The following NCR3LG1 variants were observed in gnomAD, a reference collection of about 807,000 sequenced individuals.
The protein encoded by NCR3LG1 is natural cytotoxicity triggering receptor 3 ligand 1.
Under a neutral mutation model 34.8 loss-of-function variants are expected in NCR3LG1, and 35 were observed. The ratio of observed to expected loss-of-function variants is 1.01; its 90% CI spans 0.77 to 1.33. The LOEUF (loss-of-function observed/expected upper bound fraction) is 1.33. Ranked by LOEUF, NCR3LG1 falls within the 40% of genes most tolerant of loss-of-function variation. The probability of loss-of-function intolerance (pLI) is 0.00; values close to 1 mark genes in which losing one functional copy is unlikely to be tolerated. For synonymous variants in NCR3LG1, 173 were observed against 163.6 expected, an observed-to-expected ratio of 1.06 and a Z score of -0.44; for missense variants, 452 against 423.3, an observed-to-expected ratio of 1.07 and a Z score of -0.60.
Position 17,356,748 on chromosome 11 carries a change from C to T in NCR3LG1, c.168C>T (p.Leu56=), listed in dbSNP as rs1227343786. 3 of 1,536,414 alleles carry T rather than the reference C, an allele frequency of 2.0e-6. No homozygotes were observed. The highest frequency in any genetic ancestry group is 2.6e-6 in the Non-Finnish European group (3 of 1,146,958). ...IFCNIFYSQP[L]NITSMGITWF... is the part of the protein sequence containing the mutation. ...GCAATATCTTTTATTCCCAACCCCT[C>T]AACATCACGTCTATGGGTATCACCT... Residue 56 remains leucine (L), a synonymous_variant, in exon 2 of 5, where the codon CTC becomes CTT. Transcript: ENST00000338965.
downstream of NCR3LG1, among the ~76,000 whole-genome samples, chr11:17,377,526 G>A (rs1450211914): frequency 2.0e-5 from 3 of 152,038 alleles, no homozygotes; most frequent in East Asian, 5.8e-4. Flanking sequence ...TTTATCAGGT[G>A]GACCTTTCTC....
Position 17,372,031 on chromosome 11 carries a change from AT to A in NCR3LG1, c.885del (p.Tyr295Ter). The A allele has an allele frequency of 1.4e-6, 1 of 702,230 alleles. No individual in the cohort carries two copies. Among genetic ancestry groups the A allele is most frequent in the East Asian group, 2.7e-5 (1 of 37,284 alleles). 43.5% of individuals were successfully genotyped at this position (702,230 alleles called of 1,614,324 possible). A position where few individuals can be genotyped will look rare whatever the true frequency, so the allele number is the denominator to read the frequency against. ...ATATGTAACAAATCATCTTCAGCCT[AT>A]ACTCCTCTCAAGTGCATTCTGAAAC... ...KKICNKSSSA[Y>X]TPLKCILKHW... is the part of the protein sequence containing the mutation. On this transcript the variant is annotated frameshift_variant, in exon 5 of 5. Coordinates refer to ENST00000338965, the MANE Select transcript of NCR3LG1 (RefSeq NM_001202439.3). LOFTEE classifies it high-confidence loss of function.
intron 2 of NCR3LG1, among the ~76,000 whole-genome samples, chr11:17,361,807 T>G (rs1448331607): frequency 6.6e-6 from 1 of 152,100 alleles, no homozygotes; most frequent in Non-Finnish European, 1.5e-5. Context: ...ATTTCTTCCA[T>G]TATTTTATTT....
At chr11:17,370,370 A>C (rs1279530027) in intron 4 of NCR3LG1, among the ~76,000 whole-genome samples, 1 of 152,178 alleles carries the variant, frequency 6.6e-6, no homozygotes, top group Non-Finnish European at 1.5e-5. Context: ...TGACGAGACT[A>C]ACATTTTGGT....
chr11:17,363,576 CTCTTT>C (rs112741886), intron 2 of NCR3LG1, among the ~76,000 whole-genome samples: 49 of 124,622 alleles, frequency 3.9e-4, no homozygotes, highest in African/African-American at 1.3e-3. Flanking sequence ...TCCTCTTTCT[CTCTTT>C]TCTTTTCTTT....
At chr11:17,363,439 G>T (rs910860554) in intron 2 of NCR3LG1, among the ~76,000 whole-genome samples, 23 of 150,076 alleles carry the variant, frequency 1.5e-4, no homozygotes, top group Non-Finnish European at 3.0e-4. Flanking sequence ...GTCCAGTGTT[G>T]TTCTTGTTCT....
intron 4 of NCR3LG1, among the ~76,000 whole-genome samples, chr11:17,369,833 A>G (rs537644024): frequency 4.5e-4 from 69 of 152,302 alleles, no homozygotes; most frequent in African/African-American, 1.6e-3. Flanking sequence ...TCTGATATTC[A>G]GGTGCTATTG....
In NCR3LG1 at chr11:17,356,696, C is replaced by G. The variant is rs1428158524; in HGVS notation, c.116C>G (p.Pro39Arg). 2 of 1,536,190 alleles carry G rather than the reference C, an allele frequency of 1.3e-6. No individual in the cohort carries two copies. The highest frequency in any genetic ancestry group is 4.9e-5 in the East Asian group (2 of 40,924). The change falls in exon 2 of 5, where the codon CCC (proline) becomes CGC (arginine). Residue 39 changes from proline to arginine, a missense_variant. Pro to Arg is a moderately radical substitution (Grantham distance 103, BLOSUM62 -2). Coordinates refer to ENST00000338965, the MANE Select transcript of NCR3LG1 (RefSeq NM_001202439.3). ...ATGGCAGGGGGGACTCAGATCACACCCCTGAATGACAATGTCACCATATTC... is the reference window on the plus strand; with the variant it reads ...ATGGCAGGGGGGACTCAGATCACACGCCTGAATGACAATGTCACCATATTC... The part of the protein sequence containing the change: ...EMMAGGTQIT[P>R]LNDNVTIFCN...
At position 17,351,906 on chromosome 11, in the gene NCR3LG1, T is replaced by G; in HGVS notation, c.-64T>G. The G allele has an allele frequency of 1.5e-6, 2 of 1,314,322 alleles. No homozygotes were observed. Among genetic ancestry groups the G allele is most frequent in the Non-Finnish European group, 2.1e-6 (2 of 946,868 alleles). 81.4% of individuals were successfully genotyped at this position (1,314,322 alleles called of 1,614,324 possible). A position where few individuals can be genotyped will look rare whatever the true frequency, so the allele number is the denominator to read the frequency against. ...ACGCAACAGAGGTCTCCCCCTGCCC[T>G]TGGTTTCTACCGGGCCGCCTGCTCC... On this transcript the variant is annotated 5_prime_UTR_variant, in exon 1 of 5. Coordinates refer to ENST00000338965, the MANE Select transcript of NCR3LG1 (RefSeq NM_001202439.3).
At chr11:17,367,952 G>A (rs1253582703) in intron 3 of NCR3LG1, among the ~76,000 whole-genome samples, 1 of 151,946 alleles carries the variant, frequency 6.6e-6, no homozygotes, top group Non-Finnish European at 1.5e-5. Context: ...CTGAGTAGCT[G>A]GGACTACAGG....
At chr11:17,359,449 C>T (rs1478054101) in intron 2 of NCR3LG1, among the ~76,000 whole-genome samples, 2 of 151,598 alleles carry the variant, frequency 1.3e-5, no homozygotes, top group African/African-American at 4.9e-5. Context: ...TTAACCTGTA[C>T]TCCGATAAGA....
chr11:17,364,564 G>T (rs532962668), intron 2 of NCR3LG1, among the ~76,000 whole-genome samples: 104 of 129,714 alleles, frequency 8.0e-4, no homozygotes, highest in African/African-American at 2.9e-3. Context: ...TTTTTTTTTT[G>T]AGACGGAGTT....
intron 2 of NCR3LG1, among the ~76,000 whole-genome samples, chr11:17,365,753 C>T (rs1055672468): frequency 1.3e-5 from 2 of 152,166 alleles, no homozygotes; most frequent in African/African-American, 4.8e-5. Context: ...AGACTGGGTC[C>T]CGAGGATGAA....
chr11:17,365,970 G>A (rs1472970921), intron 2 of NCR3LG1, among the ~76,000 whole-genome samples: 1 of 152,180 alleles, frequency 6.6e-6, no homozygotes, highest in Non-Finnish European at 1.5e-5. Flanking sequence ...TTTTCTGAGT[G>A]GCAGTTTGCC....
chr11:17,363,148 C>T (rs1953301585), intron 2 of NCR3LG1, among the ~76,000 whole-genome samples: 1 of 150,500 alleles, frequency 6.6e-6, no homozygotes, highest in Admixed American at 6.6e-5. Flanking sequence ...GTCTTGAACT[C>T]CCTCGGCTCA....
rs746806206 is a variant in NCR3LG1, at chr11:17,376,290, CTAAT to C, written c.*3781_*3784del. 2.6e-5 allele frequency: 4 copies of C among 152,156 alleles called. No individual in the cohort carries two copies. The highest frequency in any genetic ancestry group is 4.4e-5 in the Non-Finnish European group (3 of 68,020). 9.4% of individuals were successfully genotyped at this position (152,156 alleles called of 1,614,324 possible). A position where few individuals can be genotyped will look rare whatever the true frequency, so the allele number is the denominator to read the frequency against. Reference sequence around the variant, plus strand: ...AAAGGCCTCTGAGGTGGTGAGAATACTAATTAGTTAAATAATTCCTCACTTTGGG... The same window carrying C: ...AAAGGCCTCTGAGGTGGTGAGAATACTAGTTAAATAATTCCTCACTTTGGG... On this transcript the variant is annotated 3_prime_UTR_variant, in exon 5 of 5. Transcript: ENST00000338965.
chr11:17,363,542 C>CCTTCCTTCCTTCCTTCCTT (rs1554898612), intron 2 of NCR3LG1, among the ~76,000 whole-genome samples: 2 of 54,678 alleles, frequency 3.7e-5, no homozygotes, highest in African/African-American at 2.8e-4. Flanking sequence ...CTCCCTCCCT[C>CCTTCCTTCCTTCCTTCCTT]CCTTCCTTCC....
At chr11:17,378,885 C>G (rs1386372077), downstream of NCR3LG1, among the ~76,000 whole-genome samples, 1 of 152,136 alleles carries the variant, frequency 6.6e-6, no homozygotes, top group Non-Finnish European at 1.5e-5. Flanking sequence ...CCAGAGATGC[C>G]CACAATGGAA....
chr11:17,362,790 TTCTC>T (rs775335746), intron 2 of NCR3LG1, among the ~76,000 whole-genome samples: 6 of 94,332 alleles, frequency 6.4e-5, no homozygotes, highest in Admixed American at 1.1e-4. Context: ...CTTTCCTTCT[TTCTC>T]TCTCTTTCTT....
Sources: gnomAD v4.1 joint callset for allele counts (sites outside exome capture counted in the v4.1 genomes callset) on GRCh38, gnomAD v4.1.1 for gene constraint, MANE v1.5 for transcripts, NCBI Gene and HGNC (gene_info 2026-07-23, HGNC 2026-07-21) for gene names.